NR6A1: variants seen among roughly 807,000 people sequenced by gnomAD.
The protein encoded by NR6A1 is retinoic acid receptor-related testis-associated receptor.
In NR6A1, 7 loss-of-function variants were observed where a neutral mutation model predicts 59.1. The ratio of observed to expected loss-of-function variants is 0.12; its 90% CI spans 0.07 to 0.22. The LOEUF is 0.22. Ranked by LOEUF, NR6A1 falls within the 10% of genes least tolerant of loss-of-function variation. The probability of loss-of-function intolerance (pLI) is 1.00; values close to 1 mark genes in which losing one functional copy is unlikely to be tolerated. For missense variants in NR6A1, 468 were observed against 611.6 expected (o/e 0.77, Z 2.48); for synonymous variants, 243 against 236.1 (o/e 1.03, Z -0.27).
rs148472095 is a variant in NR6A1, at chr9:124,611,774, A to AGAGAGAGAGAAT, written c.143-57205_143-57204insATTCTCTCTCTC. Among the ~76,000 whole-genome samples the AGAGAGAGAGAAT allele has an allele frequency of 1.2e-3, 131 of 105,552 alleles. 2 individuals carry two copies. Among genetic ancestry groups the AGAGAGAGAGAAT allele is most frequent in the Middle Eastern group, 4.7e-3 (1 of 214 alleles). 69.2% of individuals were successfully genotyped at this position (105,552 alleles called of 152,430 possible). ...TAGAGAGAGAGAGAGAGAGAGAGAG[A>AGAGAGAGAGAAT]GAGAGAGAATGAGAGAGAATGAGAG... is the stretch of plus-strand genomic sequence containing the variant. On this transcript the variant is annotated intron_variant, in intron 2 of 9. Transcript: ENST00000487099.
intron 2 of NR6A1, among the ~76,000 whole-genome samples, chr9:124,595,508 CCT>C (rs1374362383): frequency 4.6e-5 from 7 of 152,060 alleles, no homozygotes; most frequent in Non-Finnish European, 7.4e-5. Context: ...AAATTAATCC[CCT>C]TTCTTCTGCT....
chr9:124,731,671 C>T (rs1309175569), intron 2 of NR6A1, among the ~76,000 whole-genome samples: 3 of 152,248 alleles, frequency 2.0e-5, no homozygotes, highest in East Asian at 1.9e-4. Context: ...AAGACCTTAA[C>T]GATGATTCAC....
chr9:124,545,219 A>G (rs1441437087), intron 3 of NR6A1, among the ~76,000 whole-genome samples: 1 of 152,254 alleles, frequency 6.6e-6, no homozygotes, highest in East Asian at 1.9e-4. Context: ...ACTGAAATGA[A>G]AAGAGAAAAT....
intron 2 of NR6A1, among the ~76,000 whole-genome samples, chr9:124,568,139 A>T (rs1292935777): frequency 8.2e-6 from 1 of 121,824 alleles, no homozygotes; most frequent in African/African-American, 3.2e-5. Context: ...GCGCCACTGC[A>T]CTCTAGCCTG....
At chr9:124,535,119 G>A (rs1343297419) in intron 7 of NR6A1, among the ~76,000 whole-genome samples, 5 of 151,648 alleles carry the variant, frequency 3.3e-5, no homozygotes, top group Non-Finnish European at 7.4e-5. Context: ...GCCAGACACC[G>A]TCTCAAAAAA....
chr9:124,540,092 G>C lies in NR6A1; in HGVS notation c.537C>G (p.Ser179=), dbSNP rs768366331. ...TGCTCTCCGAAGCCCTGTTCCCAGG[G>C]GAACTGTGGTCACTATCACCATGGT... ...WSNHGDSDHS[S]PGNRASESNQ... Residue 179 remains serine (S), a synonymous_variant, in exon 5 of 10, where the codon TCC becomes TCG. Coordinates refer to ENST00000487099, the MANE Select transcript of NR6A1 (RefSeq NM_033334.4). 68 of 1,613,028 alleles carry C rather than the reference G, an allele frequency of 4.2e-5. No homozygotes were observed. Among genetic ancestry groups the C allele is most frequent in the Admixed American group, 3.3e-4 (20 of 59,870 alleles).
At chr9:124,640,285 A>G (rs1335645220) in intron 2 of NR6A1, among the ~76,000 whole-genome samples, 1 of 152,212 alleles carries the variant, frequency 6.6e-6, no homozygotes, top group Admixed American at 6.5e-5. Context: ...TAACCTTAGA[A>G]CATTCCTTTC....
chr9:124,746,511 C>A (rs983528030), intron 1 of NR6A1, among the ~76,000 whole-genome samples: 1 of 152,076 alleles, frequency 6.6e-6, no homozygotes, highest in Non-Finnish European at 1.5e-5. Context: ...ATCACTTGAA[C>A]CCGGGAGGCA....
rs574601751 is a variant in NR6A1, at chr9:124,638,415, G to C, written c.143-83845C>G. On this transcript the variant is annotated intron_variant, in intron 2 of 9. Coordinates refer to ENST00000487099, the MANE Select transcript of NR6A1 (RefSeq NM_033334.4). ...ATTTTTCCTATGGTCTTTTACTGAC[G>C]GTTTTCTCTCTCCTGACATTACTAC... Among the ~76,000 whole-genome samples the C allele has an allele frequency of 2.6e-5, 4 of 152,004 alleles. No homozygotes were observed. In the East Asian group the frequency reaches 7.7e-4, roughly 29 times the overall value.
Position 124,733,335 on chromosome 9 carries a change from C to T in NR6A1, c.115G>A (p.Glu39Lys). The T allele has an allele frequency of 6.2e-7, 1 of 1,612,882 alleles. No homozygotes were observed. Among genetic ancestry groups the T allele is most frequent in the Non-Finnish European group, 8.5e-7 (1 of 1,178,990 alleles). Residue 39 changes from glutamate to lysine, a missense_variant, in exon 2 of 10, where the codon GAA becomes AAA. Coordinates refer to ENST00000487099, the MANE Select transcript of NR6A1 (RefSeq NM_033334.4). ...GTGCCTGGGTCAAGCTCTGCCAATT[C>T]ATCCTGACAGAAACCTAAAGAGAAA... ...PPPRNGFCQD[E>K]LAELDPGTIS...
chr9:124,715,266 T>C (rs1036797058), intron 2 of NR6A1, among the ~76,000 whole-genome samples: 14 of 151,756 alleles, frequency 9.2e-5, no homozygotes, highest in Non-Finnish European at 1.9e-4. Flanking sequence ...CTCACACCTG[T>C]AAACTCAGTG....
chr9:124,700,619 GT>G (rs1340400964), intron 2 of NR6A1, among the ~76,000 whole-genome samples: 1 of 151,940 alleles, frequency 6.6e-6, no homozygotes. Context: ...AATAAATATT[GT>G]TGATAGTATT....
chr9:124,548,858 G>A (rs984851828), intron 3 of NR6A1, among the ~76,000 whole-genome samples: 10 of 149,224 alleles, frequency 6.7e-5, no homozygotes, highest in African/African-American at 2.5e-4. Context: ...CCCACCACCC[G>A]CCACGAAGCT....
intron 8 of NR6A1, among the ~76,000 whole-genome samples, chr9:124,525,929 C>T (rs1378415895): frequency 6.6e-6 from 1 of 152,152 alleles, no homozygotes; most frequent in Non-Finnish European, 1.5e-5. Context: ...GTCTTTAATG[C>T]TCAGCACAGG....
intron 2 of NR6A1, among the ~76,000 whole-genome samples, chr9:124,671,927 A>G (rs974823111): frequency 6.6e-6 from 1 of 152,246 alleles, no homozygotes; most frequent in Non-Finnish European, 1.5e-5. Context: ...CAAGATGTAA[A>G]ACATTACTAA....
intron 3 of NR6A1, among the ~76,000 whole-genome samples, chr9:124,552,905 A>G (rs189052874): frequency 2.3e-3 from 347 of 152,304 alleles, no homozygotes; most frequent in Non-Finnish European, 3.4e-3. Flanking sequence ...TCTCATACAC[A>G]ATAAAACCAG....
At chr9:124,596,508 T>C (rs950051056) in intron 2 of NR6A1, among the ~76,000 whole-genome samples, 1 of 152,222 alleles carries the variant, frequency 6.6e-6, no homozygotes, top group African/African-American at 2.4e-5. Context: ...TGGTTATACA[T>C]ATTAGTTTGG....
rs577996980 is a variant in NR6A1 at position 124,693,811 on chromosome 9, CA to C, written c.142+39496del. 1.1e-3 allele frequency: 596 copies of C among 533,410 alleles called. 4 individuals carry two copies. Among genetic ancestry groups the C allele is most frequent in the African/African-American group, 9.3e-3 (483 of 52,084 alleles). The allele number at this position is 533,410 out of a possible 1,614,324, so 33.0% of individuals were successfully genotyped here. A position where few individuals can be genotyped will look rare whatever the true frequency, so the allele number is the denominator to read the frequency against. On this transcript the variant is annotated intron_variant, in intron 2 of 9. Coordinates refer to ENST00000487099, the MANE Select transcript of NR6A1 (RefSeq NM_033334.4). ...TGCGGACCAAACAACCCAAAGGAAG[CA>C]AAAGCATGTGCAGAGAGTCGCCTGA...
At chr9:124,574,163 A>G (rs1424424152) in intron 2 of NR6A1, among the ~76,000 whole-genome samples, 6 of 152,222 alleles carry the variant, frequency 3.9e-5, no homozygotes, top group Admixed American at 2.6e-4. Context: ...GCGTACTCTT[A>G]TATCCTAAGA....
Sources: allele counts gnomAD v4.1 joint callset (sites outside exome capture counted in the v4.1 genomes callset), GRCh38; gene constraint gnomAD v4.1.1; transcripts MANE v1.5; gene names NCBI Gene and HGNC (gene_info 2026-07-23, HGNC 2026-07-21).